Variants in ITPR2 observed in about 807,000 individuals in gnomAD.
ITPR2 encodes the protein inositol 1,4,5-trisphosphate-gated calcium channel ITPR2.
Under a neutral mutation model 317.1 loss-of-function variants are expected in ITPR2, and 207 were observed. The observed-to-expected ratio is 0.65, with a 90% CI of 0.58 to 0.73. The LOEUF (loss-of-function observed/expected upper bound fraction) is 0.73, where lower values mean the gene tolerates loss of function less well. ITPR2 is among the 30% of genes least tolerant of loss of function. The pLI is 0.00. For missense variants in ITPR2, 2,613 were observed against 3,284.0 expected (o/e 0.80, Z 4.99); for synonymous variants, 1,156 against 1,149.1 (o/e 1.01, Z -0.12).
chr12:26,420,485 G>A (rs1297840415), intron 49 of ITPR2, among the ~76,000 whole-genome samples: 1 of 152,132 alleles, frequency 6.6e-6, no homozygotes. Context: ...AATTTCTGAA[G>A]TTCAAATCAA....
Position 26,567,953 on chromosome 12 carries a change from TATA to T in ITPR2, c.4631-6004_4631-6002del, listed in dbSNP as rs1368517461. ...AAAATTCTGGTATATATATATATTA[TATA>T]TATATATATATATTATATATATTAT... On this transcript the variant is annotated intron_variant, in intron 34 of 56. Coordinates refer to ENST00000381340, the MANE Select transcript of ITPR2 (RefSeq NM_002223.4). Among the ~76,000 whole-genome samples the T allele has an allele frequency of 5.5e-3, 32 of 5,812 alleles. 1 individual carries two copies. Among genetic ancestry groups the T allele is most frequent in the South Asian group, 0.011 (2 of 174 alleles). The allele number at this position is 5,812 out of a possible 152,430, so 3.8% of individuals were successfully genotyped here.
In ITPR2 at chr12:26,338,164, A is replaced by G; in HGVS notation, c.*1233T>C. On this transcript the variant is annotated 3_prime_UTR_variant, in exon 57 of 57. Coordinates refer to ENST00000381340, the MANE Select transcript of ITPR2 (RefSeq NM_002223.4). ...TCACTTTTTTCCCAACACTTTCATT[A>G]TCCATATTTTGCTCTGCTATTCCAA... is the stretch of plus-strand genomic sequence containing the variant. The G allele has an allele frequency of 6.6e-6, 1 of 152,462 alleles. No homozygotes were observed. The highest frequency in any genetic ancestry group is 2.1e-4 in the South Asian group (1 of 4,820). 9.4% of individuals were successfully genotyped at this position (152,462 alleles called of 1,614,324 possible).
chr12:26,539,952 C>A (rs543357187), intron 37 of ITPR2, among the ~76,000 whole-genome samples: 12 of 152,290 alleles, frequency 7.9e-5, no homozygotes, highest in African/African-American at 2.9e-4. Flanking sequence ...TCAATCTGTC[C>A]CTCTGCAAAC....
At chr12:26,490,072 G>A (rs564217697) in intron 39 of ITPR2, among the ~76,000 whole-genome samples, 4 of 152,212 alleles carry the variant, frequency 2.6e-5, no homozygotes, top group African/African-American at 9.6e-5. Context: ...CTTAAAAGAA[G>A]GTTTTCATAT....
At chr12:26,387,126 A>G (rs949832224) in intron 55 of ITPR2, among the ~76,000 whole-genome samples, 2 of 152,246 alleles carry the variant, frequency 1.3e-5, no homozygotes, top group African/African-American at 4.8e-5. Context: ...GTGGGACATC[A>G]GCAATGATAA....
intron 3 of ITPR2, 141 bp from the exon 4 acceptor site, chr12:26,724,883 T>A: frequency 1.7e-6 from 1 of 574,326 alleles, no homozygotes; most frequent in South Asian, 2.3e-5. Context: ...AATCTTAGTT[T>A]AGGTGTTTTG....
chr12:26,526,574 G>C (rs975788919), intron 37 of ITPR2, among the ~76,000 whole-genome samples: 2 of 152,066 alleles, frequency 1.3e-5, no homozygotes, highest in Non-Finnish European at 2.9e-5. Context: ...AACATCAAAG[G>C]GTTTTTAAAA....
Position 26,602,486 on chromosome 12 carries a change from T to A in ITPR2, c.3562A>T (p.Arg1188Trp). 1 of 1,609,328 alleles carries A rather than the reference T, an allele frequency of 6.2e-7. No individual in the cohort carries two copies. The highest frequency in any genetic ancestry group is 8.5e-7 in the Non-Finnish European group (1 of 1,177,796). ...TTCTGCACACAGAGTTTACTTAGCC[T>A]GATCAAAATCTTTAAAAGGAAGAGG... ...NYRIVKEILI[R>W]LSKLCVQNKK... The change falls in exon 28 of 57, where the codon AGG becomes TGG. Residue 1188 changes from arginine (R) to tryptophan (W), a missense_variant. Arg to Trp is a moderately radical substitution (Grantham distance 101, BLOSUM62 -3). This residue lies in a region of ITPR2 where 817 missense variants were observed against 897.6 expected (regional missense o/e 0.91). Coordinates refer to ENST00000381340, the MANE Select transcript of ITPR2 (RefSeq NM_002223.4).
At chr12:26,450,519 T>C (rs1482880099) in intron 45 of ITPR2, among the ~76,000 whole-genome samples, 1 of 152,124 alleles carries the variant, frequency 6.6e-6, no homozygotes, top group African/African-American at 2.4e-5. Flanking sequence ...ACCCTGTTAG[T>C]AGGGTCAGAG....
Position 26,419,142 on chromosome 12 carries a change from T to C in ITPR2, c.7017A>G (p.Ala2339=), listed in dbSNP as rs1489504507. The change falls in exon 50 of 57, where the codon GCA becomes GCG. Residue 2339 remains alanine (A), a synonymous_variant. Transcript: ENST00000381340. ...AGAGAAAGGCCATATCCAGGATGAC[T>C]GCTCGGTACCCACGGGTGAACGTGC... is the stretch of plus-strand genomic sequence containing the variant. ...NRGTFTRGYR[A]VILDMAFLYH... is the part of the protein sequence containing the mutation. The C allele has an allele frequency of 6.2e-7, 1 of 1,613,756 alleles. No individual in the cohort carries two copies. The highest frequency in any genetic ancestry group is 1.1e-5 in the South Asian group (1 of 91,082).
intron 37 of ITPR2, among the ~76,000 whole-genome samples, chr12:26,528,751 C>T (rs750143218): frequency 6.6e-6 from 1 of 152,136 alleles, no homozygotes; most frequent in African/African-American, 2.4e-5. Flanking sequence ...TTGAGGACAC[C>T]TGGCAGGAAT....
At chr12:26,512,106 C>A (rs569001823) in intron 37 of ITPR2, among the ~76,000 whole-genome samples, 2 of 151,358 alleles carry the variant, frequency 1.3e-5, no homozygotes, top group African/African-American at 4.9e-5. Context: ...ATGACTAAGC[C>A]AACGGGAAAA....
intron 21 of ITPR2, among the ~76,000 whole-genome samples, chr12:26,651,889 G>C (rs775468815): frequency 6.6e-6 from 1 of 152,126 alleles, no homozygotes; most frequent in Non-Finnish European, 1.5e-5. Flanking sequence ...TGGTATTCTA[G>C]ATCTCCCCAT....
rs757503364 is a variant in ITPR2 at position 26,632,013 on chromosome 12, G to A, written c.2787C>T (p.Thr929=). The A allele has an allele frequency of 1.9e-6, 3 of 1,601,904 alleles. No homozygotes were observed. The highest frequency in any genetic ancestry group is 2.3e-5 in the South Asian group (2 of 88,748). ...TGGAGCCTCTACTGAGTACCATCTG[G>A]GTCATCATCTCTCCCACCCCATGAA... The part of the protein sequence containing the change: ...RTIHGVGEMM[T]QMVLSRGSIF... Residue 929 remains threonine, a synonymous_variant, in exon 22 of 57, where the codon ACC becomes ACT. Transcript: ENST00000381340.
intron 26 of ITPR2, among the ~76,000 whole-genome samples, chr12:26,612,905 C>T (rs929171323): frequency 3.9e-5 from 6 of 152,220 alleles, no homozygotes; most frequent in South Asian, 2.1e-4. Flanking sequence ...TAACTCCTCC[C>T]AGTCCTTCAG....
chr12:26,795,469 T>C (rs559952851), intron 1 of ITPR2, among the ~76,000 whole-genome samples: 1 of 140,958 alleles, frequency 7.1e-6, no homozygotes, highest in Admixed American at 6.9e-5. Context: ...ATAGACAATA[T>C]AAAGGACAAA....
chr12:26,607,679 C>T (rs923810560), intron 26 of ITPR2, among the ~76,000 whole-genome samples: 1 of 152,172 alleles, frequency 6.6e-6, no homozygotes, highest in South Asian at 2.1e-4. Context: ...TAAGTTCCTT[C>T]CAGATGTTTC....
rs1345817911 is a variant in ITPR2, at chr12:26,666,140, A to AGAT, written c.1410-92_1410-90dup. 3.5e-5 allele frequency: 13 copies of AGAT among 372,690 alleles called. No homozygotes were observed. The Admixed American group carries it at 7.7e-4, about 22-fold the overall frequency. 23.1% of individuals were successfully genotyped at this position (372,690 alleles called of 1,614,324 possible). On this transcript the variant is annotated intron_variant, in intron 13 of 56. Coordinates refer to ENST00000381340, the MANE Select transcript of ITPR2 (RefSeq NM_002223.4). ...AGATGATAGGTAGGTAGGTAGAGAT[A>AGAT]GATAGATAGATAGATAGATAGATTT...
chr12:26,599,431 T>C, intron 29 of ITPR2, 86 bp from the exon 30 acceptor site: 1 of 1,203,140 alleles, frequency 8.3e-7, no homozygotes, highest in Non-Finnish European at 1.2e-6. Flanking sequence ...CTGCTTGTGA[T>C]CAGTTTTATA....
Sources: gnomAD v4.1 joint callset for allele counts (sites outside exome capture counted in the v4.1 genomes callset) on GRCh38, gnomAD v4.1.1 for gene constraint, gnomAD v4.1.1 regional missense constraint, MANE v1.5 for transcripts, NCBI Gene and HGNC (gene_info 2026-07-23, HGNC 2026-07-21) for gene names.